The following SLC28A1 variants were observed in gnomAD, a reference collection of about 807,000 sequenced individuals.
SLC28A1 encodes solute carrier family 28 member 1, also known as sodium/nucleoside cotransporter 1.
A neutral mutation model predicts 74.8 loss-of-function variants in SLC28A1; 64 were observed. That is an observed-to-expected ratio of 0.86 (90% confidence interval 0.70 to 1.05). The LOEUF is 1.05. SLC28A1 is among the 50% of genes least tolerant of loss of function. The probability of loss-of-function intolerance (pLI) is 0.00; values close to 1 mark genes in which losing one functional copy is unlikely to be tolerated. For missense variants in SLC28A1, 828 were observed against 822.8 expected (o/e 1.01, Z -0.08); for synonymous variants, 359 against 335.0 (o/e 1.07, Z -0.78).
At chr15:84,965,287 T>A in the SLC28A1 span, among the ~76,000 whole-genome samples, 1 of 152,188 alleles carries the variant, frequency 6.6e-6, no homozygotes, top group African/African-American at 2.4e-5. Context: ...ATTGTAAGTT[T>A]CCTGAGGCCT....
At position 84,943,957 on chromosome 15, in the gene SLC28A1, T is replaced by G. The variant is rs115391295; in HGVS notation, c.1663+431T>G. On this transcript the variant is annotated intron_variant, in intron 16 of 18. Transcript: ENST00000394573. ...TGTTCATAGAGTTTCCTCCTAGCCC[T>G]AGAATTCCGATTCTCTGCTGCTGCT... Among the ~76,000 whole-genome samples the G allele has an allele frequency of 5.3e-3, 800 of 151,932 alleles. 5 individuals are homozygous for G. The highest frequency in any genetic ancestry group is 0.018 in the African/African-American group (751 of 41,464).
intron 15 of SLC28A1, among the ~76,000 whole-genome samples, chr15:84,938,803 A>G (rs993597837): frequency 2.0e-5 from 3 of 152,192 alleles, no homozygotes; most frequent in Non-Finnish European, 1.5e-5. Context: ...GTCAGAAAAA[A>G]TATCCCTGAG....
At chr15:84,914,924 A>G (rs1417663068) in intron 9 of SLC28A1, among the ~76,000 whole-genome samples, 1 of 152,054 alleles carries the variant, frequency 6.6e-6, no homozygotes, top group Non-Finnish European at 1.5e-5. Context: ...CTCTTCTACC[A>G]TTCTCCGTCT....
chr15:84,890,133 C>G (rs540497720), intron 4 of SLC28A1, among the ~76,000 whole-genome samples: 2 of 152,212 alleles, frequency 1.3e-5, no homozygotes, highest in South Asian at 4.1e-4. Flanking sequence ...CCGCGCCCCC[C>G]CACCGGCCAC....
intron 6 of SLC28A1, chr15:84,895,560 T>C (rs1965905877): frequency 1.3e-6 from 2 of 1,537,780 alleles, no homozygotes; most frequent in Non-Finnish European, 1.8e-6. Context: ...GCAGCGTCCT[T>C]GGACAACAGT....
At chr15:84,896,760 T>C (rs748067208) in intron 6 of SLC28A1, among the ~76,000 whole-genome samples, 4 of 152,206 alleles carry the variant, frequency 2.6e-5, no homozygotes, top group Non-Finnish European at 5.9e-5. Flanking sequence ...AGAAAATCTA[T>C]ATATCCATAC....
chr15:84,946,083 T>TATATATATATATATATA (rs1321419859), downstream of SLC28A1, among the ~76,000 whole-genome samples: 43 of 36,238 alleles, frequency 1.2e-3, 9 homozygotes, highest in Non-Finnish European at 1.7e-3. Context: ...TGTGTGTATG[T>TATATATATATATATATA]TCATATATAT....
intron 11 of SLC28A1, among the ~76,000 whole-genome samples, chr15:84,922,298 G>A (rs950261047): frequency 6.6e-6 from 1 of 152,196 alleles, no homozygotes; most frequent in Admixed American, 6.5e-5. Flanking sequence ...TCTAAGGGGT[G>A]TCGCACATTA....
intron 10 of SLC28A1, among the ~76,000 whole-genome samples, chr15:84,919,874 G>A (rs1969592974): frequency 6.6e-6 from 1 of 152,152 alleles, no homozygotes; most frequent in Non-Finnish European, 1.5e-5. Context: ...AGCACACACA[G>A]CATAGCATAA....
chr15:84,937,204 C>T (rs1343400413), intron 15 of SLC28A1, among the ~76,000 whole-genome samples: 1 of 151,760 alleles, frequency 6.6e-6, no homozygotes, highest in African/African-American at 2.4e-5. Context: ...AACATATTTA[C>T]CCAATCCCCT....
At chr15:84,937,045 C>T (rs1187783795) in intron 15 of SLC28A1, among the ~76,000 whole-genome samples, 5 of 60,172 alleles carry the variant, frequency 8.3e-5, no homozygotes, top group African/African-American at 4.4e-4. Context: ...AGAGCAAGAC[C>T]CTGTCTTTAA....
the SLC28A1 span, among the ~76,000 whole-genome samples, chr15:84,972,992 G>T: frequency 6.6e-6 from 1 of 152,174 alleles, no homozygotes; most frequent in Non-Finnish European, 1.5e-5. Flanking sequence ...GAGCCTGTCT[G>T]CTTGAGTGTG....
chr15:84,920,548 T>C (rs1439049133), intron 10 of SLC28A1, among the ~76,000 whole-genome samples: 1 of 152,166 alleles, frequency 6.6e-6, no homozygotes, highest in Admixed American at 6.5e-5. Context: ...TTCCACAGCA[T>C]GTTAGTAAAT....
At chr15:84,906,556 CTTTCTTTCT>C (rs1967210285) in intron 8 of SLC28A1, among the ~76,000 whole-genome samples, 2 of 89,240 alleles carry the variant, frequency 2.2e-5, no homozygotes, top group African/African-American at 8.1e-5. Context: ...TTCTTTCTTT[CTTTCTTTCT>C]CTTTCTTTCT....
At chr15:84,908,552 C>T (rs1021045227) in intron 8 of SLC28A1, among the ~76,000 whole-genome samples, 166 bp from the exon 9 acceptor site, 2 of 151,842 alleles carry the variant, frequency 1.3e-5, no homozygotes, top group Non-Finnish European at 2.9e-5. Flanking sequence ...AGTGAGTGCC[C>T]GTGACAGCAG....
chr15:84,895,808 T>TG lies in SLC28A1; in HGVS notation c.461+685_461+686insG, dbSNP rs1965940308. On this transcript the variant is annotated intron_variant, in intron 6 of 18. Transcript: ENST00000394573. ...AAAAAAAGTCTGAAGACCACCAGTCTATTTCAATACTCTATTTTGTTGATG... is the reference window on the plus strand; with the variant it reads ...AAAAAAAGTCTGAAGACCACCAGTCTGATTTCAATACTCTATTTTGTTGATG... 23 of 1,153,616 alleles carry TG rather than the reference T, an allele frequency of 2.0e-5. No individual in the cohort carries two copies. The South Asian group carries it at 4.7e-4, about 23-fold the overall frequency. 71.5% of individuals were successfully genotyped at this position (1,153,616 alleles called of 1,614,324 possible).
chr15:84,960,198 G>A, the SLC28A1 span, among the ~76,000 whole-genome samples: 5,548 of 134,312 alleles, frequency 0.041, 323 homozygotes, highest in African/African-American at 0.14. Flanking sequence ...TTAAAATACA[G>A]AACATTTTCC....
intron 12 of SLC28A1, among the ~76,000 whole-genome samples, chr15:84,928,480 C>T (rs575660319): frequency 6.6e-6 from 1 of 151,514 alleles, no homozygotes; most frequent in South Asian, 2.1e-4. Context: ...CCTCTGAATC[C>T]CAGAAAGGTC....
intron 5 of SLC28A1, among the ~76,000 whole-genome samples, chr15:84,893,896 C>T (rs1243011986): frequency 6.6e-6 from 1 of 152,234 alleles, no homozygotes; most frequent in Non-Finnish European, 1.5e-5. Context: ...GCTGCAAACA[C>T]ACCTGGCTTG....
Sources: allele counts gnomAD v4.1 joint callset (sites outside exome capture counted in the v4.1 genomes callset), GRCh38; gene constraint gnomAD v4.1.1; transcripts MANE v1.5; gene names NCBI Gene and HGNC (gene_info 2026-07-23, HGNC 2026-07-21).